TNFAIP8: variants seen among roughly 807,000 people sequenced by gnomAD.
The protein encoded by TNFAIP8 is TNF alpha induced protein 8.
TNFAIP8 carries 7 observed loss-of-function variants against 13.3 expected under a neutral mutation model. That is an observed-to-expected ratio of 0.52 (90% CI 0.30 to 0.99). The LOEUF (loss-of-function observed/expected upper bound fraction) is 0.99, where lower values mean the gene tolerates loss of function less well. Among genes scored for constraint, TNFAIP8 ranks in the 50% least tolerant of loss-of-function variants. TNFAIP8 has a pLI of 0.07. For missense variants in TNFAIP8, 258 were observed against 236.9 expected (o/e 1.09, Z -0.58); for synonymous variants, 94 against 87.6 (o/e 1.07, Z -0.41).
At chr5:119,376,566 C>T (rs555191884) in intron 1 of TNFAIP8, among the ~76,000 whole-genome samples, 1 of 150,380 alleles carries the variant, frequency 6.6e-6, no homozygotes, top group African/African-American at 2.5e-5. Context: ...CTTCCCACCC[C>T]CCCCGTCTTT....
chr5:119,304,301 C>T (rs1290450429), intron 1 of TNFAIP8, among the ~76,000 whole-genome samples: 1 of 151,962 alleles, frequency 6.6e-6, no homozygotes, highest in Non-Finnish European at 1.5e-5. Context: ...TAAAAGTGCT[C>T]CTCCTGCTTT....
In TNFAIP8 at chr5:119,356,135, T is replaced by A. The variant is rs749162033; in HGVS notation, c.31+14T>A. ...AATCCAAGGAAGGTAGGATTCTGGTTTCTCCTGGGGGCCGGCCAAGTTCTG... is the reference window on the plus strand; with the variant it reads ...AATCCAAGGAAGGTAGGATTCTGGTATCTCCTGGGGGCCGGCCAAGTTCTG... On this transcript the variant is annotated intron_variant, in intron 1 of 1. Transcript: ENST00000504771. The A allele has an allele frequency of 1.3e-6, 2 of 1,578,744 alleles. No homozygotes were observed. Among genetic ancestry groups the A allele is most frequent in the Non-Finnish European group, 1.7e-6 (2 of 1,159,752 alleles).
At chr5:119,286,576 T>A (rs994074313) in intron 1 of TNFAIP8, among the ~76,000 whole-genome samples, 3 of 147,536 alleles carry the variant, frequency 2.0e-5, no homozygotes, top group South Asian at 2.1e-4. Flanking sequence ...GAGCCAAGAA[T>A]GAGCCCCTGT....
At chr5:119,366,487 G>A (rs925548567) in intron 1 of TNFAIP8, among the ~76,000 whole-genome samples, 6 of 152,184 alleles carry the variant, frequency 3.9e-5, no homozygotes, top group African/African-American at 1.4e-4. Flanking sequence ...TGTTGGCTTG[G>A]ATTTCTAGCA....
chr5:119,329,397 C>T (rs566529958), intron 1 of TNFAIP8, among the ~76,000 whole-genome samples: 7 of 152,336 alleles, frequency 4.6e-5, no homozygotes, highest in Admixed American at 1.3e-4. Context: ...GTGGTGATGA[C>T]AGACCTGAGC....
At chr5:119,375,999 C>T (rs1486336909) in intron 1 of TNFAIP8, among the ~76,000 whole-genome samples, 6 of 152,122 alleles carry the variant, frequency 3.9e-5, no homozygotes. Context: ...CAAATGTTAT[C>T]AGATGACTTT....
chr5:119,358,321 A>C (rs1374219274), intron 1 of TNFAIP8, among the ~76,000 whole-genome samples: 1 of 152,202 alleles, frequency 6.6e-6, no homozygotes, highest in African/African-American at 2.4e-5. Context: ...ATATTTTTGC[A>C]TATGCGTGAA....
intron 1 of TNFAIP8, among the ~76,000 whole-genome samples, chr5:119,331,476 T>C (rs1199703804): frequency 6.6e-6 from 1 of 152,110 alleles, no homozygotes; most frequent in Non-Finnish European, 1.5e-5. Flanking sequence ...CTTAGGGAAA[T>C]GTCTGTGCAG....
intron 1 of TNFAIP8, among the ~76,000 whole-genome samples, chr5:119,298,313 A>ATC (rs1475211031): frequency 2.0e-5 from 3 of 151,958 alleles, no homozygotes; most frequent in Non-Finnish European, 4.4e-5. Context: ...TGGTGACAAA[A>ATC]TCTCTCAGCA....
chr5:119,344,554 AG>A (rs1349099130), intron 1 of TNFAIP8, among the ~76,000 whole-genome samples: 1 of 152,218 alleles, frequency 6.6e-6, no homozygotes, highest in East Asian at 1.9e-4. Flanking sequence ...GCAAGGACTG[AG>A]GCAGCCAATT....
At chr5:119,386,785 G>A (rs564135894) in intron 1 of TNFAIP8, among the ~76,000 whole-genome samples, 1 of 152,176 alleles carries the variant, frequency 6.6e-6, no homozygotes. Context: ...ACTATGTTCT[G>A]TGTGACAGCC....
At chr5:119,358,202 T>C (rs966316638) in intron 1 of TNFAIP8, among the ~76,000 whole-genome samples, 45 of 152,188 alleles carry the variant, frequency 3.0e-4, no homozygotes, top group African/African-American at 1.1e-3. Context: ...TGCCTTTGGA[T>C]GCTTCATGCC....
At chr5:119,339,420 AG>A (rs1750661608) in intron 1 of TNFAIP8, among the ~76,000 whole-genome samples, 1 of 150,384 alleles carries the variant, frequency 6.6e-6, no homozygotes, top group Non-Finnish European at 1.5e-5. Flanking sequence ...CTGTTGGGTC[AG>A]CCACGATGTC....
chr5:119,295,738 G>A (rs1436523068), intron 1 of TNFAIP8, among the ~76,000 whole-genome samples: 4 of 150,536 alleles, frequency 2.7e-5, no homozygotes, highest in South Asian at 2.1e-4. Context: ...CCATTTTCAC[G>A]ATGTTGATTC....
At chr5:119,387,429 C>G (rs952977973) in intron 1 of TNFAIP8, among the ~76,000 whole-genome samples, 4 of 152,138 alleles carry the variant, frequency 2.6e-5, no homozygotes, top group African/African-American at 7.2e-5. Context: ...GTATGTACAT[C>G]TGTTGTCATC....
intron 1 of TNFAIP8, among the ~76,000 whole-genome samples, chr5:119,297,166 C>G (rs1438208339): frequency 6.6e-6 from 1 of 152,116 alleles, no homozygotes; most frequent in East Asian, 1.9e-4. Flanking sequence ...TGTGTTTGCT[C>G]TTGCTTTTCT....
intron 1 of TNFAIP8, among the ~76,000 whole-genome samples, chr5:119,317,995 G>A (rs1260716525): frequency 6.6e-6 from 1 of 152,144 alleles, no homozygotes; most frequent in African/African-American, 2.4e-5. Context: ...TAAATAAGTT[G>A]TGTTTTTTTC....
chr5:119,376,780 A>G (rs954575388), intron 1 of TNFAIP8, among the ~76,000 whole-genome samples: 10 of 152,298 alleles, frequency 6.6e-5, no homozygotes, highest in Admixed American at 2.6e-4. Flanking sequence ...TGGACGGTCA[A>G]TGAGGACTTC....
At position 119,393,419 on chromosome 5, in the gene TNFAIP8, T is replaced by G; in HGVS notation, c.*38T>G. On this transcript the variant is annotated 3_prime_UTR_variant, in exon 2 of 2. Coordinates refer to ENST00000504771, the MANE Select transcript of TNFAIP8 (RefSeq NM_014350.4). ...AGATTGTGACTGATCATGATTTATT[T>G]GAAGATGGAGCACTGCTGATTTATG... 1 of 1,552,740 alleles carries G rather than the reference T, an allele frequency of 6.4e-7. No individual in the cohort carries two copies. Among genetic ancestry groups the G allele is most frequent in the Middle Eastern group, 1.8e-4 (1 of 5,698 alleles).
Sources: allele counts gnomAD v4.1 joint callset (sites outside exome capture counted in the v4.1 genomes callset), GRCh38; gene constraint gnomAD v4.1.1; transcripts MANE v1.5; gene names NCBI Gene and HGNC (gene_info 2026-07-23, HGNC 2026-07-21).